The following URB1 variants were observed in gnomAD, a reference collection of about 807,000 sequenced individuals.
URB1 encodes the protein nucleolar pre-ribosomal-associated protein 1.
A neutral mutation model predicts 242.3 loss-of-function variants in URB1; 197 were observed. That is an observed-to-expected ratio of 0.81 (90% CI 0.72 to 0.91). The LOEUF is 0.91. Among genes scored for constraint, URB1 ranks in the 40% least tolerant of loss-of-function variants. The probability of loss-of-function intolerance (pLI) is 0.00; values close to 1 mark genes in which losing one functional copy is unlikely to be tolerated. For synonymous variants in URB1, 1,153 were observed against 1,201.8 expected (o/e 0.96, Z 0.84); for missense variants, 2,721 against 2,860.5 (o/e 0.95, Z 1.11).
chr21:32,368,607 G>C lies in URB1; in HGVS notation c.1002-9C>G. 6.5e-7 allele frequency: 1 copy of C among 1,547,528 alleles called. No individual in the cohort carries two copies. Among genetic ancestry groups the C allele is most frequent in the South Asian group, 1.2e-5 (1 of 83,350 alleles). ...GTGTCAGGTTTCCGCCTCTGTTAGA[G>C]AAAGACACATGGGGAGAGGTCAGCA... is the stretch of plus-strand genomic sequence containing the variant. On this transcript the variant is annotated splice_polypyrimidine_tract_variant and intron_variant, in intron 8 of 38. Transcript: ENST00000382751.
chr21:32,370,861 C>T (rs994264189), intron 8 of URB1, among the ~76,000 whole-genome samples: 3 of 152,206 alleles, frequency 2.0e-5, no homozygotes, highest in African/African-American at 7.2e-5. Flanking sequence ...GAAAAGTTTG[C>T]CAATCCTTGC....
At chr21:32,344,503 G>A in intron 24 of URB1, 67 bp downstream of exon 24, 2 of 1,504,370 alleles carry the variant, frequency 1.3e-6, no homozygotes, top group South Asian at 2.6e-5. Flanking sequence ...TGCATCTATA[G>A]CTTGGTTTGT....
At chr21:32,387,457 G>C (rs1736574641) in intron 1 of URB1, among the ~76,000 whole-genome samples, 1 of 152,108 alleles carries the variant, frequency 6.6e-6, no homozygotes, top group African/African-American at 2.4e-5. Flanking sequence ...CCTCTCTCTG[G>C]TTCCACTCTT....
chr21:32,351,286 G>A (rs1389623246), intron 19 of URB1, among the ~76,000 whole-genome samples: 1 of 152,176 alleles, frequency 6.6e-6, no homozygotes, highest in Non-Finnish European at 1.5e-5. Flanking sequence ...AGAGAAGCCC[G>A]CTCTGCGAGT....
At chr21:32,324,417 G>C in intron 32 of URB1, 74 bp downstream of exon 32, 1 of 1,235,238 alleles carries the variant, frequency 8.1e-7, no homozygotes, top group Non-Finnish European at 1.2e-6. Flanking sequence ...ATACCTGTGG[G>C]ACTAATCCCT....
chr21:32,314,620 G>A lies in URB1; in HGVS notation c.*298C>T. 1.9e-6 allele frequency: 3 copies of A among 1,614,218 alleles called. No individual in the cohort carries two copies. In the South Asian group the frequency reaches 3.3e-5, roughly 18 times the overall value. The stretch of plus-strand genomic sequence containing the variant: ...AAACTCGAGCTATTTCCTGTGATGA[G>A]CTCCAAGCCCCTAGAGAGGAAGGGG... On this transcript the variant is annotated 3_prime_UTR_variant, in exon 39 of 39. Transcript: ENST00000382751.
chr21:32,387,466 T>C (rs2033595717), intron 1 of URB1, among the ~76,000 whole-genome samples: 1 of 152,104 alleles, frequency 6.6e-6, no homozygotes, highest in Admixed American at 6.5e-5. Flanking sequence ...GGTTCCACTC[T>C]TTGGGCCATA....
chr21:32,329,384 G>A (rs1660495174), intron 30 of URB1, among the ~76,000 whole-genome samples: 1 of 152,174 alleles, frequency 6.6e-6, no homozygotes, highest in Non-Finnish European at 1.5e-5. Context: ...CACCCCAATA[G>A]GCTAGACTCA....
At chr21:32,334,543 T>C (rs2032935306) in intron 28 of URB1, among the ~76,000 whole-genome samples, 2 of 152,198 alleles carry the variant, frequency 1.3e-5, no homozygotes. Context: ...ACAGTGTCAG[T>C]GATGACGACA....
chr21:32,312,225 T>C lies in URB1; in HGVS notation c.*2693A>G, dbSNP rs2032600091. 1.4e-6 allele frequency: 2 copies of C among 1,443,686 alleles called. No homozygotes were observed. Among genetic ancestry groups the C allele is most frequent in the Admixed American group, 5.1e-5 (2 of 39,012 alleles). The allele number at this position is 1,443,686 out of a possible 1,614,324, so 89.4% of individuals were successfully genotyped here. ...GTTTATTGAGCACACCTAGCCTGCT[T>C]GCTTACTGCTTATATTTGCTCAGGG... On this transcript the variant is annotated 3_prime_UTR_variant, in exon 39 of 39. Coordinates refer to ENST00000382751, the MANE Select transcript of URB1 (RefSeq NM_014825.3).
At position 32,372,546 on chromosome 21, in the gene URB1, C is replaced by T; in HGVS notation, c.962G>A (p.Gly321Glu). ...LMDLCCSLKH[G>E]INFYDASLGT... is the part of the protein sequence containing the mutation. ...CAAAGATGCATCGTAAAAATTAATT[C>T]CATGCTTGAGTGAACAGCAAAGATC... Residue 321 changes from glycine (G) to glutamate (E), a missense_variant, in exon 8 of 39, where the codon GGA becomes GAA. Gly to Glu is a moderately conservative substitution (Grantham distance 98). Coordinates refer to ENST00000382751, the MANE Select transcript of URB1 (RefSeq NM_014825.3). The T allele has an allele frequency of 6.4e-7, 1 of 1,551,628 alleles. No homozygotes were observed. The highest frequency in any genetic ancestry group is 1.4e-5 in the African/African-American group (1 of 73,144).
intron 30 of URB1, among the ~76,000 whole-genome samples, chr21:32,328,665 T>G (rs1187866040): frequency 1.3e-5 from 2 of 152,162 alleles, no homozygotes; most frequent in Admixed American, 1.3e-4. Context: ...CAGCTAATAC[T>G]CAGCTGGCTG....
intron 1 of URB1, among the ~76,000 whole-genome samples, chr21:32,386,812 T>C (rs948699767): frequency 2.0e-5 from 3 of 152,100 alleles, no homozygotes; most frequent in Non-Finnish European, 4.4e-5. Flanking sequence ...ATTTCACAGA[T>C]GAGAAAACTG....
At position 32,346,954 on chromosome 21, in the gene URB1, A is replaced by G. The variant is rs1268419070; in HGVS notation, c.3868+2T>C. On this transcript the variant is annotated splice_donor_variant, in intron 22 of 38. Coordinates refer to ENST00000382751, the MANE Select transcript of URB1 (RefSeq NM_014825.3). LOFTEE classifies it high-confidence loss of function. ...GCTGCCCAAAGCTAGCCTTTCCCTT[A>G]CCTCCTGCTGGGCGTGTGAAGTGGC... is the stretch of plus-strand genomic sequence containing the variant. The G allele has an allele frequency of 6.7e-7, 1 of 1,498,196 alleles. No individual in the cohort carries two copies. The highest frequency in any genetic ancestry group is 1.3e-5 in the South Asian group (1 of 77,060). The allele number at this position is 1,498,196 out of a possible 1,614,324, so 92.8% of individuals were successfully genotyped here.
chr21:32,319,317 G>A lies in URB1; in HGVS notation c.5692C>T (p.Arg1898Cys), dbSNP rs112835686. ...GDKAVEWESQ[R>C]LCQPSSQEPA... ...TCCTGGGAGCTAGGCTGGCAAAGGC[G>A]CTGGCTCTCCCACTCCACTGCCTTG... is the stretch of plus-strand genomic sequence containing the variant. The change falls in exon 36 of 39, where the codon CGC becomes TGC. Residue 1898 changes from arginine (R) to cysteine (C), a missense_variant. Physicochemically the swap from Arg to Cys is radical, Grantham distance 180. Transcript: ENST00000382751. The A allele has an allele frequency of 6.3e-5, 97 of 1,551,198 alleles. No homozygotes were observed. The African/African-American group carries it at 8.2e-4, about 13-fold the overall frequency.
At chr21:32,360,663 C>T (rs532800181) in intron 13 of URB1, among the ~76,000 whole-genome samples, 1 of 152,308 alleles carries the variant, frequency 6.6e-6, no homozygotes, top group African/African-American at 2.4e-5. Flanking sequence ...GTCCCTTCTG[C>T]AGGCCCCTCA....
At chr21:32,345,266 G>C in intron 23 of URB1, 108 bp downstream of exon 23, 11 of 1,228,534 alleles carry the variant, frequency 9.0e-6, no homozygotes, top group Non-Finnish European at 1.3e-5. Context: ...CCTGATCACA[G>C]ATGGGGCACA....
intron 9 of URB1, among the ~76,000 whole-genome samples, chr21:32,367,632 T>C (rs1486743297): frequency 6.6e-6 from 1 of 152,244 alleles, no homozygotes; most frequent in Non-Finnish European, 1.5e-5. Context: ...GCTGACATTA[T>C]GATCAAAAGG....
At position 32,383,406 on chromosome 21, in the gene URB1, A is replaced by G. The variant is rs546658448; in HGVS notation, c.567+16T>C. ...AGGAGACCCATGGAAGGCACGAGAC[A>G]CTGTGGTCCCCTCACCTTTGAATCC... On this transcript the variant is annotated intron_variant, in intron 4 of 38. Transcript: ENST00000382751. 10 of 1,547,772 alleles carry G rather than the reference A, an allele frequency of 6.5e-6. No homozygotes were observed. In the Admixed American group the frequency reaches 8.0e-5, roughly 12 times the overall value.
Sources: allele counts gnomAD v4.1 joint callset (sites outside exome capture counted in the v4.1 genomes callset), GRCh38; gene constraint gnomAD v4.1.1; transcripts MANE v1.5; gene names NCBI Gene and HGNC (gene_info 2026-07-23, HGNC 2026-07-21).